Variants in MLLT3 observed in about 807,000 individuals in gnomAD.
MLLT3 encodes MLLT3 super elongation complex subunit.
MLLT3 carries 4 observed loss-of-function variants against 53.2 expected under a neutral mutation model. That is an observed-to-expected ratio of 0.08 (90% CI 0.04 to 0.17). The LOEUF (loss-of-function observed/expected upper bound fraction) is 0.17, where lower values mean the gene tolerates loss of function less well. MLLT3 is among the 10% of genes least tolerant of loss of function. The probability of loss-of-function intolerance (pLI) is 1.00; values close to 1 mark genes in which losing one functional copy is unlikely to be tolerated. For missense variants in MLLT3, 569 were observed against 684.0 expected, an observed-to-expected ratio of 0.83 and a Z score of 1.87; for synonymous variants, 283 against 230.6, an observed-to-expected ratio of 1.23 and a Z score of -2.06.
At chr9:20,515,471 A>AC (rs983536484) in intron 2 of MLLT3, among the ~76,000 whole-genome samples, 1 of 151,986 alleles carries the variant, frequency 6.6e-6, no homozygotes, top group Non-Finnish European at 1.5e-5. Flanking sequence ...AGCCAACACC[A>AC]TTTTTAGTTC....
chr9:20,472,010 T>C (rs538020845), intron 2 of MLLT3, among the ~76,000 whole-genome samples: 26 of 152,198 alleles, frequency 1.7e-4, no homozygotes, highest in Non-Finnish European at 3.2e-4. Context: ...ATAAATGACA[T>C]AAATTTGGAA....
At chr9:20,579,830 C>T (rs1819746076) in intron 2 of MLLT3, among the ~76,000 whole-genome samples, 1 of 152,110 alleles carries the variant, frequency 6.6e-6, no homozygotes, top group Non-Finnish European at 1.5e-5. Context: ...ATCCACAGAG[C>T]TCAGTATGGG....
At chr9:20,384,648 G>A (rs1373163342) in intron 5 of MLLT3, among the ~76,000 whole-genome samples, 1 of 152,028 alleles carries the variant, frequency 6.6e-6, no homozygotes, top group Non-Finnish European at 1.5e-5. Context: ...CAACACGACA[G>A]TCAAATTAAG....
rs1007717605 is a variant in MLLT3, at chr9:20,577,553, G to C, written c.193+43101C>G. ...CCCAGGTTCAGCAAAGATTCACCTT[G>C]ACCATCTCTCACTTTCATACCAATA... On this transcript the variant is annotated intron_variant, in intron 2 of 10. Transcript: ENST00000380338. 3.3e-5 allele frequency among the ~76,000 whole-genome samples: 5 copies of C among 152,110 alleles called. No homozygotes were observed. In the East Asian group the frequency reaches 9.6e-4, roughly 29 times the overall value.
chr9:20,514,059 T>A (rs1386843174), intron 2 of MLLT3, among the ~76,000 whole-genome samples: 2 of 151,884 alleles, frequency 1.3e-5, no homozygotes, highest in Non-Finnish European at 2.9e-5. Flanking sequence ...TCCTCTCCCC[T>A]AGGGAGTAAG....
At position 20,563,011 on chromosome 9, in the gene MLLT3, C is replaced by A. The variant is rs1333566357; in HGVS notation, c.193+57643G>T. ...CCCATTCCCATCCAGTCACAGCTCA[C>A]AGCCCTGCTGGCTTGCTAGCTTAGA... is the stretch of plus-strand genomic sequence containing the variant. On this transcript the variant is annotated intron_variant, in intron 2 of 10. Coordinates refer to ENST00000380338, the MANE Select transcript of MLLT3 (RefSeq NM_004529.4). 2.0e-5 allele frequency among the ~76,000 whole-genome samples: 3 copies of A among 152,150 alleles called. No homozygotes were observed. The East Asian group carries it at 5.8e-4, about 29-fold the overall frequency.
At chr9:20,468,018 T>C (rs997620785) in intron 2 of MLLT3, among the ~76,000 whole-genome samples, 2 of 152,204 alleles carry the variant, frequency 1.3e-5, no homozygotes, top group Non-Finnish European at 2.9e-5. Context: ...TTGAGAAAGA[T>C]CCTTAGGTTC....
At chr9:20,477,345 G>A (rs181315551) in intron 2 of MLLT3, among the ~76,000 whole-genome samples, 26 of 152,184 alleles carry the variant, frequency 1.7e-4, no homozygotes, top group Admixed American at 1.4e-3. Flanking sequence ...GTTTTTTAAA[G>A]TAGTATTTTA....
intron 2 of MLLT3, among the ~76,000 whole-genome samples, chr9:20,492,956 AC>A (rs1824987098): frequency 6.6e-6 from 1 of 151,952 alleles, no homozygotes; most frequent in African/African-American, 2.4e-5. Flanking sequence ...TGATTGTCTT[AC>A]CTTTAAATAT....
At chr9:20,441,267 A>G (rs1222287842) in intron 4 of MLLT3, among the ~76,000 whole-genome samples, 1 of 152,180 alleles carries the variant, frequency 6.6e-6, no homozygotes, top group East Asian at 1.9e-4. Context: ...TATTTTCAAA[A>G]GTCTGTAACT....
Position 20,573,188 on chromosome 9 carries a change from G to GTT in MLLT3, c.193+47464_193+47465dup, listed in dbSNP as rs59285839. On this transcript the variant is annotated intron_variant, in intron 2 of 10. Transcript: ENST00000380338. ...GTTTTTGTTTGTTTTTTTTTGTTTT[G>GTT]TTTTTTTTTTTTGAGACAGTCTCAC... 7.0e-3 allele frequency among the ~76,000 whole-genome samples: 985 copies of GTT among 141,680 alleles called. 8 individuals carry two copies. Among genetic ancestry groups the GTT allele is most frequent in the Middle Eastern group, 0.018 (5 of 276 alleles). 92.9% of individuals were successfully genotyped at this position (141,680 alleles called of 152,430 possible). A position where few individuals can be genotyped will look rare whatever the true frequency, so the allele number is the denominator to read the frequency against.
chr9:20,621,055 G>A lies in MLLT3; in HGVS notation c.13-221C>T, dbSNP rs919272039. ...CTTGGCCCCAGGCGCCCCGGGCCCC[G>A]CATCTACATCGGACAGGATTGTAAC... On this transcript the variant is annotated intron_variant, in intron 1 of 10. Coordinates refer to ENST00000380338, the MANE Select transcript of MLLT3 (RefSeq NM_004529.4). The surrounding 1 kb of genome is among the most constrained non-coding windows in gnomAD (Gnocchi z 7.0). 6.7e-5 allele frequency: 46 copies of A among 685,050 alleles called. No homozygotes were observed. The highest frequency in any genetic ancestry group is 1.0e-4 in the Non-Finnish European group (38 of 378,238). 42.4% of individuals were successfully genotyped at this position (685,050 alleles called of 1,614,324 possible).
chr9:20,572,589 T>C (rs1218527923), intron 2 of MLLT3, among the ~76,000 whole-genome samples: 6 of 152,154 alleles, frequency 3.9e-5, no homozygotes, highest in African/African-American at 1.4e-4. Flanking sequence ...AGGTCAGGGA[T>C]TCGAGGCCAG....
At chr9:20,388,251 AT>A (rs1306853957) in intron 5 of MLLT3, among the ~76,000 whole-genome samples, 1 of 152,228 alleles carries the variant, frequency 6.6e-6, no homozygotes, top group Non-Finnish European at 1.5e-5. Flanking sequence ...GGTTGAAGAA[AT>A]TTGAAGATGA....
chr9:20,492,690 T>G (rs1824979444), intron 2 of MLLT3, among the ~76,000 whole-genome samples: 1 of 151,942 alleles, frequency 6.6e-6, no homozygotes, highest in Non-Finnish European at 1.5e-5. Flanking sequence ...AGCACCTGCT[T>G]CAAAACTAAA....
chr9:20,581,991 A>G (rs1192497479), intron 2 of MLLT3, among the ~76,000 whole-genome samples: 1 of 152,182 alleles, frequency 6.6e-6, no homozygotes, highest in Non-Finnish European at 1.5e-5. Context: ...AAATATTTTT[A>G]ATTTTTTATA....
chr9:20,418,272 C>T (rs1017444512), intron 4 of MLLT3: 1 of 152,190 alleles, frequency 6.6e-6, no homozygotes, highest in African/African-American at 2.4e-5. Flanking sequence ...TGTCAATAAA[C>T]ACACAATGAA....
chr9:20,422,030 TATTTAAACACCG>T (rs1823021616), intron 4 of MLLT3, among the ~76,000 whole-genome samples: 1 of 152,098 alleles, frequency 6.6e-6, no homozygotes, highest in Non-Finnish European at 1.5e-5. Flanking sequence ...AATCAAAACC[TATTTAAACACCG>T]AGTCTAAACA....
rs757990452 is a variant in MLLT3, at chr9:20,342,416, C to T, written c.*4027G>A. ...CTGACAGATTTATAAAATGTATTGGCCTTGCACTGTTAATCTCAATAATAC... is the reference window on the plus strand; with the variant it reads ...CTGACAGATTTATAAAATGTATTGGTCTTGCACTGTTAATCTCAATAATAC... On this transcript the variant is annotated 3_prime_UTR_variant, in exon 11 of 11. Coordinates refer to ENST00000380338, the MANE Select transcript of MLLT3 (RefSeq NM_004529.4). 2 of 222,364 alleles carry T rather than the reference C, an allele frequency of 9.0e-6. No individual in the cohort carries two copies. The highest frequency in any genetic ancestry group is 9.0e-6 in the Non-Finnish European group (1 of 111,414). The allele number at this position is 222,364 out of a possible 1,614,324, so 13.8% of individuals were successfully genotyped here. A position where few individuals can be genotyped will look rare whatever the true frequency, so the allele number is the denominator to read the frequency against.
Sources: gnomAD v4.1 joint callset for allele counts (sites outside exome capture counted in the v4.1 genomes callset) on GRCh38, gnomAD v4.1.1 for gene constraint, Gnocchi (gnomAD v3.1) non-coding constraint, MANE v1.5 for transcripts, NCBI Gene and HGNC (gene_info 2026-07-23, HGNC 2026-07-21) for gene names.